The following TMEM63A variants were observed in gnomAD, a reference collection of about 807,000 sequenced individuals.
TMEM63A encodes mechanosensitive cation channel TMEM63A.
In TMEM63A, 76 loss-of-function variants were observed where a neutral mutation model predicts 100.6. The observed-to-expected ratio is 0.76, with a 90% CI of 0.63 to 0.91. The LOEUF (loss-of-function observed/expected upper bound fraction) is 0.91, where lower values mean the gene tolerates loss of function less well. Among genes scored for constraint, TMEM63A ranks in the 40% least tolerant of loss-of-function variants. The probability of loss-of-function intolerance (pLI) is 0.00; values close to 1 mark genes in which losing one functional copy is unlikely to be tolerated. For synonymous variants in TMEM63A, 401 were observed against 401.1 expected (o/e 1.00, Z 0.00); for missense variants, 876 against 1,008.8 (o/e 0.87, Z 1.78).
rs1668983476 is a variant in TMEM63A at position 225,846,276 on chromosome 1, A to G, written c.*663T>C. Reference sequence around the variant, plus strand: ...TGCAGACTCATGCACTCAGCCCTGAAGAGGTGAGAGAGGCTGGATCTTAAC... The same window carrying G: ...TGCAGACTCATGCACTCAGCCCTGAGGAGGTGAGAGAGGCTGGATCTTAAC... On this transcript the variant is annotated 3_prime_UTR_variant, in exon 25 of 25. Coordinates refer to ENST00000366835, the MANE Select transcript of TMEM63A (RefSeq NM_014698.3). 1 of 152,566 alleles carries G rather than the reference A, an allele frequency of 6.6e-6. No individual in the cohort carries two copies. Among genetic ancestry groups the G allele is most frequent in the African/African-American group, 2.4e-5 (1 of 41,472 alleles). 9.5% of individuals were successfully genotyped at this position (152,566 alleles called of 1,614,324 possible).
At chr1:225,857,177 C>T (rs746941989) in intron 15 of TMEM63A, among the ~76,000 whole-genome samples, 160 bp from the exon 16 acceptor site, 44 of 152,300 alleles carry the variant, frequency 2.9e-4, no homozygotes, top group Non-Finnish European at 5.9e-4. Context: ...AGTTGGTAGT[C>T]CATAAATGTT....
Position 225,862,291 on chromosome 1 carries a change from C to G in TMEM63A, c.1012G>C (p.Glu338Gln). ...GGCTGGTCCTGGACGTGGCGTTCTT[C>G]CTCTGTGATCCTCTCCAGCAGCCTG... is the stretch of plus-strand genomic sequence containing the variant. ...KDRLLERITE[E>Q]ERHVQDQPLG... The change falls in exon 13 of 25, where the codon GAA becomes CAA. Residue 338 changes from glutamate to glutamine, a missense_variant. This residue lies in a region of TMEM63A where 487 missense variants were observed against 581.9 expected (regional missense o/e 0.84). Coordinates refer to ENST00000366835, the MANE Select transcript of TMEM63A (RefSeq NM_014698.3). This position sits in a 1 kb window ranked among gnomAD's most constrained non-coding sequence, Gnocchi z 5.1. 6.2e-7 allele frequency: 1 copy of G among 1,614,202 alleles called. No homozygotes were observed. The highest frequency in any genetic ancestry group is 1.1e-5 in the South Asian group (1 of 91,090).
chr1:225,869,748 C>T (rs977482919), intron 6 of TMEM63A, among the ~76,000 whole-genome samples: 4 of 147,194 alleles, frequency 2.7e-5, no homozygotes, highest in African/African-American at 1.0e-4. Context: ...CTGCGACCTC[C>T]GCCTTCCGGT....
intron 18 of TMEM63A, among the ~76,000 whole-genome samples, chr1:225,854,042 T>C (rs553018637): frequency 5.9e-5 from 9 of 152,244 alleles, no homozygotes; most frequent in African/African-American, 2.2e-4. Context: ...CAAACAAATA[T>C]TCCATCTGCT....
intron 15 of TMEM63A, among the ~76,000 whole-genome samples, chr1:225,857,376 C>CGGGGTGGGGGGGGGGGG (rs1213111924): frequency 2.1e-3 from 7 of 3,264 alleles, no homozygotes; most frequent in African/African-American, 3.7e-3. Flanking sequence ...GAGTCCTGGC[C>CGGGGTGGGGGGGGGGGG]GGCGGGGCGG....
Position 225,853,980 on chromosome 1 carries a change from C to T in TMEM63A, c.1635-189G>A, listed in dbSNP as rs1669486276. 6.6e-6 allele frequency among the ~76,000 whole-genome samples: 1 copy of T among 152,192 alleles called. No homozygotes were observed. Among genetic ancestry groups the T allele is most frequent in the African/African-American group, 2.4e-5 (1 of 41,438 alleles). ...AGGCACTGAGAATAGAACAAAGCCC[C>T]TGCGCCACTCTCTTGAAGTTCACAT... On this transcript the variant is annotated intron_variant, in intron 18 of 24. Transcript: ENST00000366835. The surrounding 1 kb of genome is among the most constrained non-coding windows in gnomAD (Gnocchi z 4.0).
chr1:225,855,969 T>TTC, intron 17 of TMEM63A, 29 bp from the exon 18 acceptor site: 1 of 1,609,722 alleles, frequency 6.2e-7, no homozygotes, highest in Non-Finnish European at 8.5e-7. Flanking sequence ...CCCTAAGAGT[T>TTC]TATTTCCAGC....
At chr1:225,845,093 C>A (rs577513132), downstream of TMEM63A, 25 of 1,592,884 alleles carry the variant, frequency 1.6e-5, no homozygotes, top group South Asian at 2.0e-4. Flanking sequence ...CTGTGCAGGA[C>A]GGAGGGGCGC....
intron 23 of TMEM63A, among the ~76,000 whole-genome samples, chr1:225,847,896 C>T (rs1669099799): frequency 6.6e-6 from 1 of 152,314 alleles, no homozygotes; most frequent in Non-Finnish European, 1.5e-5. Flanking sequence ...CTGGCCACGG[C>T]TGTCAGGAAG....
At position 225,845,561 on chromosome 1, in the gene TMEM63A, A is replaced by C; in HGVS notation, c.*1378T>G. Reference sequence around the variant, plus strand: ...TTTGATGATAAACGACTTTACTCTAAAAGCGGCTGGAACTCAGTGACATGA... The same window carrying C: ...TTTGATGATAAACGACTTTACTCTACAAGCGGCTGGAACTCAGTGACATGA... On this transcript the variant is annotated 3_prime_UTR_variant, in exon 25 of 25. Coordinates refer to ENST00000366835, the MANE Select transcript of TMEM63A (RefSeq NM_014698.3). 1 of 606,704 alleles carries C rather than the reference A, an allele frequency of 1.6e-6. No individual in the cohort carries two copies. The highest frequency in any genetic ancestry group is 2.9e-6 in the Non-Finnish European group (1 of 344,100). 37.6% of individuals were successfully genotyped at this position (606,704 alleles called of 1,614,324 possible). A position where few individuals can be genotyped will look rare whatever the true frequency, so the allele number is the denominator to read the frequency against.
intron 20 of TMEM63A, among the ~76,000 whole-genome samples, chr1:225,851,337 T>C (rs2102819660): frequency 6.6e-6 from 1 of 152,314 alleles, no homozygotes; most frequent in South Asian, 2.1e-4. Context: ...AAGTGGGTGC[T>C]GCCTTTTCTA....
At chr1:225,856,069 A>C (rs183581546) in intron 17 of TMEM63A, 129 bp from the exon 18 acceptor site, 1 of 889,532 alleles carries the variant, frequency 1.1e-6, no homozygotes, top group African/African-American at 1.7e-5. Context: ...CAACGATGCC[A>C]CTTACTACGG....
At chr1:225,876,229 C>T (rs990490584) in intron 3 of TMEM63A, among the ~76,000 whole-genome samples, 1 of 151,840 alleles carries the variant, frequency 6.6e-6, no homozygotes, top group Non-Finnish European at 1.5e-5. Flanking sequence ...TGGCCAAACT[C>T]TCCCCACCCT....
At chr1:225,878,676 C>A (rs1670934056) in intron 2 of TMEM63A, among the ~76,000 whole-genome samples, 1 of 152,168 alleles carries the variant, frequency 6.6e-6, no homozygotes, top group Admixed American at 6.5e-5. Context: ...TCTGGTAAAT[C>A]TAGAATTCCC....
chr1:225,842,353 C>T (rs374487990), downstream of TMEM63A: 18 of 1,589,118 alleles, frequency 1.1e-5, 1 homozygote, highest in South Asian at 8.8e-5. Flanking sequence ...CCTTGCTCCC[C>T]GCTCCCCGCC....
downstream of TMEM63A, chr1:225,844,449 A>C: frequency 1.2e-6 from 2 of 1,608,728 alleles, no homozygotes; most frequent in Admixed American, 1.7e-5. Context: ...CCTTTGTCAC[A>C]CAACTGCATG....
rs555802855 is a variant in TMEM63A, at chr1:225,870,453, C to T, written c.371+623G>A. 1.0e-2 allele frequency among the ~76,000 whole-genome samples: 1,484 copies of T among 148,532 alleles called. 32 individuals are homozygous for T. The highest frequency in any genetic ancestry group is 0.035 in the African/African-American group (1,418 of 40,260). ...ACTCACATCAGTCCCCGCCCCCCCC[C>T]GCCTCCTGGCTCCCTACACCACATG... On this transcript the variant is annotated intron_variant, in intron 6 of 24. Transcript: ENST00000366835.
Position 225,865,789 on chromosome 1 carries a change from C to A in TMEM63A, c.746+108G>T. On this transcript the variant is annotated intron_variant, in intron 10 of 24. Coordinates refer to ENST00000366835, the MANE Select transcript of TMEM63A (RefSeq NM_014698.3). The surrounding 1 kb of genome is among the most constrained non-coding windows in gnomAD (Gnocchi z 4.6). Reference sequence around the variant, plus strand: ...GTCCTTCTCAGATCTCACCTGGATACCCAAGCGAGAGACAGAAGGCGCTCA... The same window carrying A: ...GTCCTTCTCAGATCTCACCTGGATAACCAAGCGAGAGACAGAAGGCGCTCA... 8.8e-7 allele frequency: 1 copy of A among 1,135,688 alleles called. No individual in the cohort carries two copies. Among genetic ancestry groups the A allele is most frequent in the Admixed American group, 2.0e-5 (1 of 48,936 alleles). The allele number at this position is 1,135,688 out of a possible 1,614,324, so 70.4% of individuals were successfully genotyped here.
rs1669980090 is a variant in TMEM63A, at chr1:225,862,297, T to C, written c.1006A>G (p.Thr336Ala). The C allele has an allele frequency of 4.3e-6, 7 of 1,614,190 alleles. No homozygotes were observed. Among genetic ancestry groups the C allele is most frequent in the Non-Finnish European group, 5.9e-6 (7 of 1,180,030 alleles). The change falls in exon 13 of 25, where the codon ACA (threonine) becomes GCA (alanine). Residue 336 changes from threonine to alanine, a missense_variant. Around this residue, in one of 5 missense-constraint regions of TMEM63A, gnomAD observed 487 missense variants for 581.9 expected, o/e 0.84. Coordinates refer to ENST00000366835, the MANE Select transcript of TMEM63A (RefSeq NM_014698.3). This position sits in a 1 kb window ranked among gnomAD's most constrained non-coding sequence, Gnocchi z 5.1. ...TCCTGGACGTGGCGTTCTTCCTCTG[T>C]GATCCTCTCCAGCAGCCTGTCCTTC... Reference protein sequence around the residue: ...RMKDRLLERITEEERHVQDQP... With the variant: ...RMKDRLLERIAEEERHVQDQP...
Sources: allele counts gnomAD v4.1 joint callset (sites outside exome capture counted in the v4.1 genomes callset), GRCh38; gene constraint gnomAD v4.1.1; regional missense constraint gnomAD v4.1.1; non-coding constraint Gnocchi (gnomAD v3.1); transcripts MANE v1.5; gene names NCBI Gene and HGNC (gene_info 2026-07-23, HGNC 2026-07-21).